TMEM259: variants seen among roughly 807,000 people sequenced by gnomAD.
TMEM259 encodes transmembrane protein 259.
In TMEM259, 26 loss-of-function variants were observed where a neutral mutation model predicts 46.7. The observed-to-expected ratio is 0.56, with a 90% CI of 0.41 to 0.77. TMEM259 has a LOEUF of 0.77. Among genes scored for constraint, TMEM259 ranks in the 30% least tolerant of loss-of-function variants. The pLI is 0.00. For synonymous variants in TMEM259, 494 were observed against 395.1 expected (o/e 1.25, Z -2.97); for missense variants, 930 against 900.5 (o/e 1.03, Z -0.42).
Position 1,012,467 on chromosome 19 carries a change from G to C in TMEM259, c.714C>G (p.Thr238=). The C allele has an allele frequency of 1.3e-6, 2 of 1,599,992 alleles. 1 individual carries two copies. The highest frequency in any genetic ancestry group is 2.3e-5 in the South Asian group (2 of 88,786). Residue 238 remains threonine, a synonymous_variant, in exon 4 of 11, where the codon ACC becomes ACG. Coordinates refer to ENST00000356663, the MANE Select transcript of TMEM259 (RefSeq NM_001033026.2). ...AGCCCAGCAGCTCAGACTCACCCAG[G>C]GTGACCACCATGACGGGGATGCTCA... is the stretch of plus-strand genomic sequence containing the variant. ...QRLSIPVMVV[T]LDPTRDQCFG... is the part of the protein sequence containing the mutation.
intron 9 of TMEM259, 35 bp downstream of exon 9, chr19:1,011,332 G>A (rs183039929): frequency 6.6e-5 from 103 of 1,555,018 alleles, no homozygotes; most frequent in Admixed American, 7.5e-5. Context: ...CTGCCCACCA[G>A]CACCCACTCC....
In TMEM259 at chr19:1,010,794, C is replaced by T. The variant is rs1176443797; in HGVS notation, c.1419G>A (p.Gly473=). Residue 473 remains glycine, a synonymous_variant, in exon 11 of 11, where the codon GGG becomes GGA. Coordinates refer to ENST00000356663, the MANE Select transcript of TMEM259 (RefSeq NM_001033026.2). ...TGTCATCGGGCAGCGCCGTGGGGGT[C>T]CCGGGGCCCAGTGGCGGCGCCTGAA... The part of the protein sequence containing the change: ...MLLQAPPLGP[G]TPTALPDDMN... 1 of 1,570,718 alleles carries T rather than the reference C, an allele frequency of 6.4e-7. No homozygotes were observed. Among genetic ancestry groups the T allele is most frequent in the Non-Finnish European group, 8.6e-7 (1 of 1,167,174 alleles).
chr19:1,009,943 G>GC lies in TMEM259; in HGVS notation c.*406dup. The GC allele has an allele frequency of 3.1e-6, 1 of 321,986 alleles. No homozygotes were observed. The highest frequency in any genetic ancestry group is 5.7e-6 in the Non-Finnish European group (1 of 176,464). The allele number at this position is 321,986 out of a possible 1,614,324, so 19.9% of individuals were successfully genotyped here. ...GAGAAGGCACTGCAGGGAGCACCAG[G>GC]CAGAGCCGGGCTGAGGCCGGCCGGC... On this transcript the variant is annotated 3_prime_UTR_variant, in exon 11 of 11. Coordinates refer to ENST00000356663, the MANE Select transcript of TMEM259 (RefSeq NM_001033026.2).
rs1349696280 is a variant in TMEM259, at chr19:1,010,369, G to A, written c.1844C>T (p.Pro615Leu). ...SPASMAPTEA[P>L]SEVGS The stretch of plus-strand genomic sequence containing the variant: ...TGCGGCTCAGGACCCCACCTCCGAG[G>A]GCGCCTCCGTTGGGGCCATGGAGGC... The change falls in exon 11 of 11, where the codon CCC becomes CTC. Residue 615 changes from proline to leucine, a missense_variant. Transcript: ENST00000356663. The A allele has an allele frequency of 2.7e-6, 4 of 1,495,708 alleles. No homozygotes were observed. The highest frequency in any genetic ancestry group is 3.5e-6 in the Non-Finnish European group (4 of 1,130,430). The allele number at this position is 1,495,708 out of a possible 1,614,324, so 92.7% of individuals were successfully genotyped here. A position where few individuals can be genotyped will look rare whatever the true frequency, so the allele number is the denominator to read the frequency against.
At chr19:1,016,398 C>T (rs1199890883) in intron 1 of TMEM259, among the ~76,000 whole-genome samples, 1 of 152,226 alleles carries the variant, frequency 6.6e-6, no homozygotes, top group African/African-American at 2.4e-5. Context: ...AGACACTGAC[C>T]CCACAGCCCC....
chr19:1,009,870 TC>T lies in TMEM259; in HGVS notation c.*479del. 1 of 393,462 alleles carries T rather than the reference TC, an allele frequency of 2.5e-6. No homozygotes were observed. Among genetic ancestry groups the T allele is most frequent in the South Asian group, 6.4e-5 (1 of 15,528 alleles). 24.4% of individuals were successfully genotyped at this position (393,462 alleles called of 1,614,324 possible). A position where few individuals can be genotyped will look rare whatever the true frequency, so the allele number is the denominator to read the frequency against. On this transcript the variant is annotated 3_prime_UTR_variant, in exon 11 of 11. Transcript: ENST00000356663. The stretch of plus-strand genomic sequence containing the variant: ...TATGCCCGAGGCGCAAGCTCTGCTC[TC>T]CCGGGGACCCCAAGCCTGGCGCACA...
At position 1,020,659 on chromosome 19, in the gene TMEM259, G is replaced by A. The variant is rs2039263147; in HGVS notation, c.225+113C>T. The A allele has an allele frequency of 1.4e-6, 1 of 712,636 alleles. No homozygotes were observed. 44.1% of individuals were successfully genotyped at this position (712,636 alleles called of 1,614,324 possible). A position where few individuals can be genotyped will look rare whatever the true frequency, so the allele number is the denominator to read the frequency against. On this transcript the variant is annotated intron_variant, in intron 1 of 10. Transcript: ENST00000356663. This position sits in a 1 kb window ranked among gnomAD's most constrained non-coding sequence, Gnocchi z 4.0. ...TAGGGCCGGGTATAGGCCTCAGGGT[G>A]CAGGGTGGCGCTCGCTGTCCCCAGC...
chr19:1,018,669 G>A (rs545725335), intron 1 of TMEM259, among the ~76,000 whole-genome samples: 90 of 152,276 alleles, frequency 5.9e-4, no homozygotes, highest in Middle Eastern at 3.4e-3. Context: ...AGATTACCGG[G>A]TGGAAAATTC....
chr19:1,016,313 A>AAGCCT (rs1485474738), intron 1 of TMEM259, among the ~76,000 whole-genome samples: 1 of 152,168 alleles, frequency 6.6e-6, no homozygotes, highest in African/African-American at 2.4e-5. Flanking sequence ...GATGCTTTCA[A>AAGCCT]AGCCTAGCGT....
Position 1,009,683 on chromosome 19 carries a change from A to T in TMEM259, c.*667T>A, listed in dbSNP as rs2038830164. On this transcript the variant is annotated 3_prime_UTR_variant, in exon 11 of 11. Transcript: ENST00000356663. ...TCAACAGACAGTTTATTCTATATAC[A>T]AACACAATTTTGTACACTGCAATTA... 4.3e-6 allele frequency: 5 copies of T among 1,160,260 alleles called. 1 individual carries two copies. The South Asian group carries it at 1.0e-4, about 24-fold the overall frequency. 71.9% of individuals were successfully genotyped at this position (1,160,260 alleles called of 1,614,324 possible). A position where few individuals can be genotyped will look rare whatever the true frequency, so the allele number is the denominator to read the frequency against.
Position 1,011,180 on chromosome 19 carries a change from G to C in TMEM259, c.1233C>G (p.Tyr411Ter). The change falls in exon 10 of 11, where the codon TAC (tyrosine) becomes TAG (stop). Residue 411 changes from tyrosine to a stop codon, truncating the protein, a stop_gained. Transcript: ENST00000356663. LOFTEE classifies it high-confidence loss of function. Reference sequence around the variant, plus strand: ...AGTGATAGGCATAGAAGGCGAAGTGGTAGAGATAGAAGAACCTGCGGGGCG... The same window carrying C: ...AGTGATAGGCATAGAAGGCGAAGTGCTAGAGATAGAAGAACCTGCGGGGCG... ...KRHWLRFFYL[Y>*]HFAFYAYHYR... The C allele has an allele frequency of 6.2e-7, 1 of 1,600,314 alleles. No individual in the cohort carries two copies.
intron 10 of TMEM259, 41 bp downstream of exon 10, chr19:1,011,055 G>A (rs757723119): frequency 2.6e-6 from 4 of 1,559,404 alleles, no homozygotes; most frequent in Non-Finnish European, 3.5e-6. Context: ...TGCCTGGAAA[G>A]GCACGGCTGG....
At position 1,013,347 on chromosome 19, in the gene TMEM259, G is replaced by C. The variant is rs371537582; in HGVS notation, c.508-7C>G. Reference sequence around the variant, plus strand: ...GCTCGATGTCCAGCTCAAACTGTGGGCGACCAGGGACCTGGGTGTCAGCAG... The same window carrying C: ...GCTCGATGTCCAGCTCAAACTGTGGCCGACCAGGGACCTGGGTGTCAGCAG... On this transcript the variant is annotated splice_polypyrimidine_tract_variant and splice_region_variant and intron_variant, in intron 2 of 10. Coordinates refer to ENST00000356663, the MANE Select transcript of TMEM259 (RefSeq NM_001033026.2). 5.6e-6 allele frequency: 9 copies of C among 1,613,262 alleles called. No individual in the cohort carries two copies. Among genetic ancestry groups the C allele is most frequent in the Non-Finnish European group, 7.6e-6 (9 of 1,179,516 alleles).
intron 1 of TMEM259, among the ~76,000 whole-genome samples, chr19:1,018,526 C>A (rs1007280273): frequency 2.0e-5 from 3 of 152,192 alleles, no homozygotes; most frequent in African/African-American, 7.2e-5. Flanking sequence ...TGCAGGGAGA[C>A]CCCCGGAAGC....
intron 1 of TMEM259, among the ~76,000 whole-genome samples, chr19:1,016,442 G>A (rs1599486141): frequency 6.6e-6 from 1 of 152,344 alleles, no homozygotes; most frequent in Admixed American, 6.5e-5. Context: ...AGGGGCCCGC[G>A]AGGCCCATGG....
At chr19:1,011,830 G>A in intron 6 of TMEM259, 32 bp from the exon 7 acceptor site, 2 of 1,587,042 alleles carry the variant, frequency 1.3e-6, no homozygotes, top group Non-Finnish European at 1.7e-6. Flanking sequence ...CGCTATGAGG[G>A]GCTGCGAGGG....
Position 1,010,537 on chromosome 19 carries a change from G to A in TMEM259, c.1676C>T (p.Ala559Val). 15 of 1,548,162 alleles carry A rather than the reference G, an allele frequency of 9.7e-6. No homozygotes were observed. The highest frequency in any genetic ancestry group is 1.1e-5 in the Non-Finnish European group (13 of 1,146,766). Residue 559 changes from alanine (A) to valine (V), a missense_variant, in exon 11 of 11, where the codon GCC becomes GTC. Physicochemically the swap from Ala to Val is moderately conservative, Grantham distance 64 (BLOSUM62 0). Coordinates refer to ENST00000356663, the MANE Select transcript of TMEM259 (RefSeq NM_001033026.2). ...TDASFLSGLS[A>V]SLLERRPASP... ...GGCTGGACGCCGCTCCAGGAGGGAG[G>A]CGCTCAGGCCGGACAGGAAGGAGGC...
chr19:1,010,464 A>C lies in TMEM259; in HGVS notation c.1749T>G (p.Ser583Arg), dbSNP rs1390805676. 2 of 1,540,098 alleles carry C rather than the reference A, an allele frequency of 1.3e-6. No homozygotes were observed. The highest frequency in any genetic ancestry group is 1.2e-5 in the South Asian group (1 of 83,486). ...AAGCTGCGGAGTCACTCGGGGGGAC[A>C]CTGTCCTGGGGGGCGTGGGGGAGGC... ...AGGLPHAPQD[S>R]VPPSDSAASD... The change falls in exon 11 of 11, where the codon AGT (serine) becomes AGG (arginine). Residue 583 changes from serine to arginine, a missense_variant. Ser to Arg is a moderately radical substitution (Grantham distance 110). Coordinates refer to ENST00000356663, the MANE Select transcript of TMEM259 (RefSeq NM_001033026.2).
chr19:1,013,144 A>G, intron 3 of TMEM259, 97 bp downstream of exon 3: 1 of 1,098,304 alleles, frequency 9.1e-7, no homozygotes, highest in Non-Finnish European at 1.4e-6. Flanking sequence ...ACATGCAGCC[A>G]GCAGGCTGGG....
Sources: gnomAD v4.1 joint callset for allele counts (sites outside exome capture counted in the v4.1 genomes callset) on GRCh38, gnomAD v4.1.1 for gene constraint, Gnocchi (gnomAD v3.1) non-coding constraint, MANE v1.5 for transcripts, NCBI Gene and HGNC (gene_info 2026-07-23, HGNC 2026-07-21) for gene names.